Variants in SYCP1 observed in about 807,000 individuals in gnomAD.
The protein encoded by SYCP1 is cancer/testis antigen 8.
Under a neutral mutation model 153.1 loss-of-function variants are expected in SYCP1, and 64 were observed. The ratio of observed to expected loss-of-function variants is 0.42; its 90% CI spans 0.34 to 0.51. The LOEUF (loss-of-function observed/expected upper bound fraction) is 0.51, where lower values mean the gene tolerates loss of function less well. SYCP1 is among the 20% of genes least tolerant of loss of function. SYCP1 has a pLI of 0.06. For synonymous variants in SYCP1, 384 were observed against 341.8 expected, an observed-to-expected ratio of 1.12 and a Z score of -1.36; for missense variants, 997 against 1,049.0, an observed-to-expected ratio of 0.95 and a Z score of 0.68.
Position 114,855,425 on chromosome 1 carries a change from C to A in SYCP1, c.-24-16C>A. 7.2e-7 allele frequency: 1 copy of A among 1,386,934 alleles called. No homozygotes were observed. The allele number at this position is 1,386,934 out of a possible 1,614,324, so 85.9% of individuals were successfully genotyped here. ...AAAAAAACTTTCCTTCCCCTCCCGC[C>A]CCCCCGGGGCAGTAGATATTTACAA... On this transcript the variant is annotated splice_polypyrimidine_tract_variant and intron_variant, in intron 1 of 31. Coordinates refer to ENST00000369522, the MANE Select transcript of SYCP1 (RefSeq NM_003176.4).
In SYCP1 at chr1:114,857,543, T is replaced by A. The variant is rs750117614; in HGVS notation, c.291+46T>A. 7 of 1,375,646 alleles carry A rather than the reference T, an allele frequency of 5.1e-6. No homozygotes were observed. In the East Asian group the frequency reaches 1.4e-4, roughly 28 times the overall value. 85.2% of individuals were successfully genotyped at this position (1,375,646 alleles called of 1,614,324 possible). A position where few individuals can be genotyped will look rare whatever the true frequency, so the allele number is the denominator to read the frequency against. Reference sequence around the variant, plus strand: ...TATTAAATTTCTTGTAATTGGAATATAACTTATTACCTATATGTATATTTC... The same window carrying A: ...TATTAAATTTCTTGTAATTGGAATAAAACTTATTACCTATATGTATATTTC... On this transcript the variant is annotated intron_variant, in intron 5 of 31. Transcript: ENST00000369522.
At chr1:114,950,021 T>A (rs1223604133) in intron 27 of SYCP1, among the ~76,000 whole-genome samples, 1 of 152,238 alleles carries the variant, frequency 6.6e-6, no homozygotes, top group African/African-American at 2.4e-5. Flanking sequence ...TGATAGATTG[T>A]TTTATTCAAA....
chr1:114,954,140 C>T (rs192379618), intron 27 of SYCP1, among the ~76,000 whole-genome samples: 2 of 152,140 alleles, frequency 1.3e-5, no homozygotes, highest in East Asian at 1.9e-4. Flanking sequence ...GATATACGTA[C>T]GTGTACGTTA....
At chr1:114,875,847 A>G (rs1429116706) in intron 9 of SYCP1, among the ~76,000 whole-genome samples, 1 of 152,202 alleles carries the variant, frequency 6.6e-6, no homozygotes, top group Non-Finnish European at 1.5e-5. Flanking sequence ...GCTATTTTGT[A>G]TTGTATAACA....
chr1:114,950,043 C>T (rs1177113852), intron 27 of SYCP1, among the ~76,000 whole-genome samples: 13 of 152,042 alleles, frequency 8.6e-5, no homozygotes, highest in African/African-American at 2.4e-5. Context: ...TGTATGCTGC[C>T]CTTTTCTATT....
At chr1:114,948,974 G>C (rs548133099) in intron 27 of SYCP1, among the ~76,000 whole-genome samples, 1 of 152,268 alleles carries the variant, frequency 6.6e-6, no homozygotes, top group South Asian at 2.1e-4. Context: ...TCTCACATAA[G>C]TAGAAATTAA....
chr1:114,911,643 AAAT>A (rs1265359378), intron 18 of SYCP1, 61 bp downstream of exon 18: 19 of 774,476 alleles, frequency 2.5e-5, no homozygotes, highest in Non-Finnish European at 3.5e-5. Context: ...TTCTGATAAT[AAAT>A]AATAATTTAG....
At chr1:114,973,076 A>G (rs965360307) in intron 27 of SYCP1, among the ~76,000 whole-genome samples, 2 of 152,184 alleles carry the variant, frequency 1.3e-5, no homozygotes, top group East Asian at 3.9e-4. Context: ...ACGTCTCTTC[A>G]AGCTCTTGTT....
In SYCP1 at chr1:114,855,553, G is replaced by A. The variant is rs750356373; in HGVS notation, c.89G>A (p.Gly30Asp). The A allele has an allele frequency of 8.1e-6, 13 of 1,607,962 alleles. No individual in the cohort carries two copies. The highest frequency in any genetic ancestry group is 1.1e-5 in the Non-Finnish European group (13 of 1,176,544). The change falls in exon 2 of 32, where the codon GGC becomes GAC. Residue 30 changes from glycine to aspartate, a missense_variant. Physicochemically the swap from Gly to Asp is moderately conservative, Grantham distance 94. Transcript: ENST00000369522. ...VSAVKPQTLG[G>D]DSTFFKSFNK... ...GCGGTGAAACCTCAGACCCTGGGAG[G>A]CGATTCCACTTTCTTCAAGGTAAAT...
intron 23 of SYCP1, among the ~76,000 whole-genome samples, chr1:114,940,681 G>A (rs1167675888): frequency 6.6e-6 from 1 of 152,030 alleles, no homozygotes; most frequent in Non-Finnish European, 1.5e-5. Flanking sequence ...TTTGCCTGAT[G>A]GCCCAATATA....
chr1:114,915,442 A>G (rs1189169565), intron 20 of SYCP1, among the ~76,000 whole-genome samples: 3 of 152,208 alleles, frequency 2.0e-5, no homozygotes, highest in Non-Finnish European at 4.4e-5. Flanking sequence ...TTTGTGCAGG[A>G]AAAGTTCATG....
At chr1:114,982,256 T>C (rs1025443353) in intron 29 of SYCP1, among the ~76,000 whole-genome samples, 2 of 151,982 alleles carry the variant, frequency 1.3e-5, no homozygotes, top group African/African-American at 4.8e-5. Flanking sequence ...TTTATAAAGA[T>C]GCTCTTGGAG....
intron 8 of SYCP1, among the ~76,000 whole-genome samples, chr1:114,861,445 A>G (rs1433720280): frequency 2.0e-5 from 3 of 152,140 alleles, no homozygotes; most frequent in Middle Eastern, 3.2e-3. Context: ...TCTGCCAAGA[A>G]TCCATTGGGA....
intron 23 of SYCP1, among the ~76,000 whole-genome samples, chr1:114,938,033 G>C (rs1670135495): frequency 6.6e-6 from 1 of 152,028 alleles, no homozygotes; most frequent in African/African-American, 2.4e-5. Context: ...TTGACCCAGA[G>C]ATCCCATTAC....
At chr1:114,991,320 T>A (rs1004652183) in intron 30 of SYCP1, among the ~76,000 whole-genome samples, 51 of 151,956 alleles carry the variant, frequency 3.4e-4, no homozygotes, top group African/African-American at 1.1e-3. Flanking sequence ...CAGCATTAAT[T>A]ACCTTGATAC....
chr1:114,944,825 T>C, intron 24 of SYCP1, 47 bp from the exon 25 acceptor site: 1 of 1,326,924 alleles, frequency 7.5e-7, no homozygotes, highest in Non-Finnish European at 1.0e-6. Flanking sequence ...TTGTTTGTTT[T>C]TTGTGCATTT....
At chr1:114,908,149 T>A (rs1489007700) in intron 16 of SYCP1, among the ~76,000 whole-genome samples, 1 of 151,606 alleles carries the variant, frequency 6.6e-6, no homozygotes, top group Admixed American at 6.6e-5. Flanking sequence ...TCTTTTTGAA[T>A]ATATTATTTA....
chr1:114,903,153 C>T (rs924797272), intron 16 of SYCP1, among the ~76,000 whole-genome samples: 3 of 152,174 alleles, frequency 2.0e-5, no homozygotes, highest in Admixed American at 1.3e-4. Flanking sequence ...GCACTCCAGC[C>T]TGGGCAACAG....
intron 29 of SYCP1, among the ~76,000 whole-genome samples, chr1:114,983,175 T>C (rs1464637085): frequency 6.6e-6 from 1 of 151,998 alleles, no homozygotes; most frequent in African/African-American, 2.4e-5. Flanking sequence ...GGTGAAAACT[T>C]AGGGCCTTTT....
Sources: allele counts gnomAD v4.1 joint callset (sites outside exome capture counted in the v4.1 genomes callset), GRCh38; gene constraint gnomAD v4.1.1; transcripts MANE v1.5; gene names NCBI Gene and HGNC (gene_info 2026-07-23, HGNC 2026-07-21).